MYOM2: variants seen among roughly 807,000 people sequenced by gnomAD.
MYOM2 encodes myomesin 2.
Under a neutral mutation model 187.6 loss-of-function variants are expected in MYOM2, and 254 were observed. The observed-to-expected ratio is 1.35, with a 90% CI of 1.22 to 1.50. The LOEUF (loss-of-function observed/expected upper bound fraction) is 1.50, where lower values mean the gene tolerates loss of function less well. Among genes scored for constraint, MYOM2 ranks in the 40% most tolerant of loss-of-function variants. MYOM2 has a pLI of 0.00. For synonymous variants in MYOM2, 981 were observed against 753.8 expected, an observed-to-expected ratio of 1.30 and a Z score of -4.94; for missense variants, 2,796 against 1,924.0, an observed-to-expected ratio of 1.45 and a Z score of -8.48.
rs554029092 is a variant in MYOM2 at position 2,089,635 on chromosome 8, A to G, written c.1645-373A>G. On this transcript the variant is annotated intron_variant, in intron 14 of 36. Transcript: ENST00000262113. ...ATAACTTTAAATTGAAATGCGAACCACTGAGTTATGACAGAATTTTATGAA... is the reference window on the plus strand; with the variant it reads ...ATAACTTTAAATTGAAATGCGAACCGCTGAGTTATGACAGAATTTTATGAA... 1.3e-4 allele frequency among the ~76,000 whole-genome samples: 20 copies of G among 152,320 alleles called. 1 individual carries two copies. Among genetic ancestry groups the G allele is most frequent in the South Asian group, 4.1e-4 (2 of 4,822 alleles).
In MYOM2 at chr8:2,144,802, G is replaced by C. The variant is rs755077047; in HGVS notation, c.4219G>C (p.Gly1407Arg). The change falls in exon 37 of 37, where the codon GGC (glycine) becomes CGC (arginine). Residue 1407 changes from glycine (G) to arginine (R), a missense_variant. Gly to Arg is a moderately radical substitution (Grantham distance 125, BLOSUM62 -2). Coordinates refer to ENST00000262113, the MANE Select transcript of MYOM2 (RefSeq NM_003970.4). ...QAKYVSMTIK[G>R]VTSEDSGKYS... ...CAAGTACGTCAGCATGACCATCAAA[G>C]GCGTGACCTCCGAGGACTCGGGCAA... The C allele has an allele frequency of 6.2e-7, 1 of 1,614,140 alleles. No individual in the cohort carries two copies. The highest frequency in any genetic ancestry group is 8.5e-7 in the Non-Finnish European group (1 of 1,180,036).
chr8:2,091,101 A>AG (rs1369425130), intron 15 of MYOM2, among the ~76,000 whole-genome samples: 2 of 145,816 alleles, frequency 1.4e-5, no homozygotes, highest in African/African-American at 2.6e-5. Context: ...TCCCACCAAC[A>AG]GTGTTTAAGT....
intron 1 of MYOM2, among the ~76,000 whole-genome samples, chr8:2,048,022 G>T (rs1201617348): frequency 1.3e-5 from 2 of 152,198 alleles, no homozygotes; most frequent in Non-Finnish European, 2.9e-5. Flanking sequence ...TCCATCCAGG[G>T]CGATTCTCCT....
At chr8:2,087,522 G>A (rs1359102259) in intron 14 of MYOM2, among the ~76,000 whole-genome samples, 1 of 152,194 alleles carries the variant, frequency 6.6e-6, no homozygotes, top group African/African-American at 2.4e-5. Context: ...CAGTCCCTCT[G>A]TGGGGTCTCC....
At position 2,090,046 on chromosome 8, in the gene MYOM2, C is replaced by A. The variant is rs1375354289; in HGVS notation, c.1683C>A (p.Ala561=). The A allele has an allele frequency of 6.2e-7, 1 of 1,613,806 alleles. No individual in the cohort carries two copies. Among genetic ancestry groups the A allele is most frequent in the Non-Finnish European group, 8.5e-7 (1 of 1,179,936 alleles). ...VGSGSWQRVN[A]QTAVRSPRYA... Reference sequence around the variant, plus strand: ...GCGGCAGCTGGCAGAGAGTCAACGCCCAGACGGCTGTGAGATCCCCGAGAT... The same window carrying A: ...GCGGCAGCTGGCAGAGAGTCAACGCACAGACGGCTGTGAGATCCCCGAGAT... Residue 561 remains alanine (A), a synonymous_variant, in exon 15 of 37, where the codon GCC becomes GCA. Coordinates refer to ENST00000262113, the MANE Select transcript of MYOM2 (RefSeq NM_003970.4).
At chr8:2,073,272 C>A in intron 9 of MYOM2, 67 bp from the exon 10 acceptor site, 8 of 1,536,284 alleles carry the variant, frequency 5.2e-6, no homozygotes, top group Non-Finnish European at 7.1e-6. Context: ...ACGCTGGTGT[C>A]CCCGAGGCTT....
chr8:2,066,306 G>C (rs1029763995), intron 6 of MYOM2, among the ~76,000 whole-genome samples: 5 of 152,192 alleles, frequency 3.3e-5, no homozygotes, highest in Non-Finnish European at 4.4e-5. Flanking sequence ...TCACAGGACA[G>C]GCTCCAGGTC....
At chr8:2,054,267 G>T (rs1350992368) in intron 3 of MYOM2, among the ~76,000 whole-genome samples, 2 of 152,170 alleles carry the variant, frequency 1.3e-5, no homozygotes, top group Non-Finnish European at 2.9e-5. Context: ...AGAGACATTG[G>T]CGCTCTGAAG....
intron 32 of MYOM2, among the ~76,000 whole-genome samples, chr8:2,136,989 A>G (rs73657778): frequency 0.13 from 19,813 of 152,002 alleles, 2,193 homozygotes; most frequent in African/African-American, 0.28. Flanking sequence ...GCTTTTCTTC[A>G]TGGCTCTAAG....
chr8:2,093,885 G>C (rs1011838866), intron 16 of MYOM2, 85 bp from the exon 17 acceptor site: 8 of 1,531,136 alleles, frequency 5.2e-6, no homozygotes, highest in Non-Finnish European at 7.1e-6. Flanking sequence ...ATTTTTTATG[G>C]CGCGTTCAGG....
intron 6 of MYOM2, among the ~76,000 whole-genome samples, chr8:2,068,025 T>C (rs1055868379): frequency 6.6e-6 from 1 of 152,142 alleles, no homozygotes; most frequent in Non-Finnish European, 1.5e-5. Flanking sequence ...ACAAGCTGTG[T>C]TGAGGGCTTC....
chr8:2,077,194 C>T (rs1819455774), intron 11 of MYOM2, among the ~76,000 whole-genome samples: 2 of 152,060 alleles, frequency 1.3e-5, no homozygotes, highest in Admixed American at 1.3e-4. Context: ...CTTATAATCC[C>T]AGCTTCTTGG....
intron 6 of MYOM2, among the ~76,000 whole-genome samples, chr8:2,061,431 C>A (rs892783465): frequency 2.0e-5 from 3 of 152,150 alleles, no homozygotes; most frequent in African/African-American, 7.2e-5. Context: ...CTGCCCTGTG[C>A]CCTCCCCCAG....
intron 8 of MYOM2, among the ~76,000 whole-genome samples, chr8:2,071,745 C>A (rs1007234731): frequency 1.3e-5 from 2 of 152,194 alleles, no homozygotes; most frequent in Admixed American, 1.3e-4. Flanking sequence ...ACAGCAAACA[C>A]TTATCCTCTC....
In MYOM2 at chr8:2,115,965, C is replaced by T. The variant is rs1466005661; in HGVS notation, c.3186C>T (p.His1062=). The T allele has an allele frequency of 6.2e-7, 1 of 1,607,692 alleles. No homozygotes were observed. Among genetic ancestry groups the T allele is most frequent in the African/African-American group, 1.3e-5 (1 of 74,494 alleles). Residue 1062 remains histidine, a synonymous_variant, in exon 26 of 37, where the codon CAC becomes CAT. Coordinates refer to ENST00000262113, the MANE Select transcript of MYOM2 (RefSeq NM_003970.4). The stretch of plus-strand genomic sequence containing the variant: ...TTCCCTTGTTTTGCTTGCAGATACA[C>T]AGAATTAAATGTGACAAAGCTACTG... ...NDREVSDSEI[H]RIKCDKATGI... is the part of the protein sequence containing the mutation.
intron 15 of MYOM2, 127 bp from the exon 16 acceptor site, chr8:2,092,219 T>C: frequency 1.8e-6 from 2 of 1,135,402 alleles, no homozygotes; most frequent in South Asian, 3.0e-5. Flanking sequence ...CTGGACCCCT[T>C]GTCTGAATTT....
chr8:2,102,755 A>G lies in MYOM2; in HGVS notation c.2708A>G (p.Glu903Gly), dbSNP rs1259857790. The G allele has an allele frequency of 1.9e-6, 3 of 1,613,816 alleles. No individual in the cohort carries two copies. The highest frequency in any genetic ancestry group is 2.5e-6 in the Non-Finnish European group (3 of 1,179,784). Residue 903 changes from glutamate to glycine, a missense_variant, in exon 21 of 37, where the codon GAG (glutamate) becomes GGG (glycine). Glu to Gly is a moderately conservative substitution (Grantham distance 98). Transcript: ENST00000262113. ...GTGGGGAAGCCCTCAGACACGTCGG[A>G]GCCTGTGCTGGTAGAGGCGAGACCA... The part of the protein sequence containing the change: ...NGVGKPSDTS[E>G]PVLVEARPGT...
In MYOM2 at chr8:2,074,092, C is replaced by G. The variant is rs373550047; in HGVS notation, c.1120+592C>G. On this transcript the variant is annotated intron_variant, in intron 10 of 36. Coordinates refer to ENST00000262113, the MANE Select transcript of MYOM2 (RefSeq NM_003970.4). ...GGATTTCGTCTTCACAGCAGACTCA[C>G]TAGGGAAGCTTCACTCATTCCATTT... 2.6e-5 allele frequency among the ~76,000 whole-genome samples: 4 copies of G among 152,130 alleles called. No individual in the cohort carries two copies. In the East Asian group the frequency reaches 5.8e-4, roughly 22 times the overall value.
chr8:2,073,039 G>A (rs775390939), intron 9 of MYOM2, among the ~76,000 whole-genome samples: 9 of 152,210 alleles, frequency 5.9e-5, no homozygotes, highest in Non-Finnish European at 1.2e-4. Context: ...GTCCAGCAGA[G>A]AAGCAGCGGG....
Sources: allele counts gnomAD v4.1 joint callset (sites outside exome capture counted in the v4.1 genomes callset), GRCh38; gene constraint gnomAD v4.1.1; transcripts MANE v1.5; gene names NCBI Gene and HGNC (gene_info 2026-07-23, HGNC 2026-07-21).